Variants in CDK19 observed in about 807,000 individuals in gnomAD.
The protein encoded by CDK19 is cyclin-dependent kinase 19.
In CDK19, 20 loss-of-function variants were observed where a neutral mutation model predicts 68.3. The observed-to-expected ratio is 0.29, with a 90% CI of 0.21 to 0.43. The LOEUF is 0.43. Ranked by LOEUF, CDK19 falls within the 20% of genes least tolerant of loss-of-function variation. The pLI is 1.00. For synonymous variants in CDK19, 221 were observed against 222.8 expected, an observed-to-expected ratio of 0.99 and a Z score of 0.07; for missense variants, 339 against 623.5, an observed-to-expected ratio of 0.54 and a Z score of 4.86.
chr6:110,778,240 A>G (rs1433629285), intron 1 of CDK19, among the ~76,000 whole-genome samples: 1 of 152,230 alleles, frequency 6.6e-6, no homozygotes, highest in Admixed American at 6.5e-5. Flanking sequence ...TCATCTCCCA[A>G]AAAACCACTG....
At chr6:110,743,439 C>T (rs1171595346) in intron 2 of CDK19, among the ~76,000 whole-genome samples, 2 of 151,714 alleles carry the variant, frequency 1.3e-5, no homozygotes, top group African/African-American at 4.8e-5. Context: ...GTCAGGTGTT[C>T]AAGACCAGCC....
chr6:110,665,197 A>G (rs187245303), intron 4 of CDK19, among the ~76,000 whole-genome samples: 211 of 152,352 alleles, frequency 1.4e-3, no homozygotes, highest in Non-Finnish European at 5.3e-4. Context: ...TTGACAACAG[A>G]CAAGTATAGA....
intron 1 of CDK19, among the ~76,000 whole-genome samples, chr6:110,754,759 C>T (rs892033612): frequency 1.3e-5 from 2 of 152,150 alleles, no homozygotes; most frequent in African/African-American, 2.4e-5. Flanking sequence ...GGATTACAGG[C>T]GTCAGCCACC....
intron 1 of CDK19, among the ~76,000 whole-genome samples, chr6:110,814,349 C>T (rs968963691): frequency 9.2e-5 from 14 of 152,226 alleles, no homozygotes; most frequent in Non-Finnish European, 1.9e-4. Flanking sequence ...AGGTCTCCTT[C>T]GAAGGGGGAA....
chr6:110,755,781 A>T (rs1288445093), intron 1 of CDK19, among the ~76,000 whole-genome samples: 1 of 152,190 alleles, frequency 6.6e-6, no homozygotes, highest in Non-Finnish European at 1.5e-5. Context: ...TTTTCCAGCA[A>T]GAGAAACATG....
intron 2 of CDK19, among the ~76,000 whole-genome samples, chr6:110,703,378 AATG>A (rs1774173685): frequency 6.6e-6 from 1 of 151,992 alleles, no homozygotes; most frequent in South Asian, 2.1e-4. Context: ...CAAAACCAAG[AATG>A]ATTTTATGTT....
chr6:110,671,866 C>A (rs1185169983), intron 2 of CDK19, among the ~76,000 whole-genome samples: 1 of 152,174 alleles, frequency 6.6e-6, no homozygotes, highest in Non-Finnish European at 1.5e-5. Context: ...CAACCTCCGC[C>A]TCCAAGGTTC....
intron 4 of CDK19, chr6:110,645,904 G>A: frequency 3.6e-6 from 3 of 843,006 alleles, no homozygotes; most frequent in South Asian, 1.5e-5. Flanking sequence ...TCAGTCCTGC[G>A]AACTGTGCCG....
chr6:110,743,280 A>C (rs897190113), intron 2 of CDK19, among the ~76,000 whole-genome samples: 1 of 152,176 alleles, frequency 6.6e-6, no homozygotes, highest in Non-Finnish European at 1.5e-5. Flanking sequence ...TAGAGTACTG[A>C]TAAAATGCTA....
rs533287559 is a variant in CDK19 at position 110,794,373 on chromosome 6, G to T, written c.128+20636C>A. Among the ~76,000 whole-genome samples, 6 of 147,116 alleles carry T rather than the reference G, an allele frequency of 4.1e-5. No homozygotes were observed. The South Asian group carries it at 1.1e-3, about 27-fold the overall frequency. ...TCTTCCCAGTGTTAAATGACAGCTA[G>T]ATTTGCACTCTCCTCTCTCCAGTAG... is the stretch of plus-strand genomic sequence containing the variant. On this transcript the variant is annotated intron_variant, in intron 1 of 12. Transcript: ENST00000368911.
Position 110,784,768 on chromosome 6 carries a change from G to A in CDK19, c.128+30241C>T, listed in dbSNP as rs567056839. On this transcript the variant is annotated intron_variant, in intron 1 of 12. Transcript: ENST00000368911. ...CAGTTGATGAATGGATAAATACAAC[G>A]TGATATATCCACACAGTCATCTGAA... 6.6e-5 allele frequency among the ~76,000 whole-genome samples: 10 copies of A among 152,192 alleles called. No individual in the cohort carries two copies. In the East Asian group the frequency reaches 1.4e-3, roughly 21 times the overall value.
chr6:110,718,189 G>A (rs974577404), intron 2 of CDK19, among the ~76,000 whole-genome samples: 1 of 152,192 alleles, frequency 6.6e-6, no homozygotes, highest in African/African-American at 2.4e-5. Context: ...AATGGACTAA[G>A]ACACCAGGTA....
At chr6:110,682,394 C>T (rs931800176) in intron 2 of CDK19, among the ~76,000 whole-genome samples, 1 of 152,162 alleles carries the variant, frequency 6.6e-6, no homozygotes, top group Non-Finnish European at 1.5e-5. Context: ...TGCCTAATTC[C>T]AAAATGTTCC....
intron 1 of CDK19, among the ~76,000 whole-genome samples, chr6:110,768,915 G>A (rs112130215): frequency 6.6e-6 from 1 of 152,134 alleles, no homozygotes; most frequent in Non-Finnish European, 1.5e-5. Flanking sequence ...CACTTTGGGG[G>A]TCCAAGGCAG....
At position 110,683,244 on chromosome 6, in the gene CDK19, A is replaced by G. The variant is rs534462915; in HGVS notation, c.205-12703T>C. Among the ~76,000 whole-genome samples, 55 of 152,048 alleles carry G rather than the reference A, an allele frequency of 3.6e-4. 1 individual carries two copies. In the Middle Eastern group the frequency reaches 0.01, roughly 28 times the overall value. On this transcript the variant is annotated intron_variant, in intron 2 of 12. Transcript: ENST00000368911. ...ACGAATTAAGCATTTGACAAATTATAGCTTTTATTATCATTTTTAACCACC... is the reference window on the plus strand; with the variant it reads ...ACGAATTAAGCATTTGACAAATTATGGCTTTTATTATCATTTTTAACCACC...
chr6:110,719,860 A>T (rs1775695542), intron 2 of CDK19, among the ~76,000 whole-genome samples: 1 of 151,892 alleles, frequency 6.6e-6, no homozygotes, highest in South Asian at 2.1e-4. Flanking sequence ...ACTCCTGAGT[A>T]GCTGGGATTA....
chr6:110,758,411 C>T (rs938005001), intron 1 of CDK19, among the ~76,000 whole-genome samples: 1 of 152,160 alleles, frequency 6.6e-6, no homozygotes, highest in Non-Finnish European at 1.5e-5. Context: ...TTGTTCAATA[C>T]TCTCTCAAGG....
chr6:110,721,732 G>A lies in CDK19; in HGVS notation c.204+24394C>T, dbSNP rs1200672934. ...TGTAATCCCAGCACTTTTGGAGGCC[G>A]AGGCAGGCAGATCACAAATCAAGGA... On this transcript the variant is annotated intron_variant, in intron 2 of 12. Transcript: ENST00000368911. Among the ~76,000 whole-genome samples the A allele has an allele frequency of 4.6e-5, 7 of 152,232 alleles. No individual in the cohort carries two copies. The South Asian group carries it at 8.3e-4, about 18-fold the overall frequency.
intron 2 of CDK19, among the ~76,000 whole-genome samples, chr6:110,745,321 C>T (rs1777999926): frequency 6.6e-6 from 1 of 152,040 alleles, no homozygotes; most frequent in Admixed American, 6.6e-5. Flanking sequence ...TGTGAACAAT[C>T]ATTTCTTAAA....
Sources: allele counts gnomAD v4.1 joint callset (sites outside exome capture counted in the v4.1 genomes callset), GRCh38; gene constraint gnomAD v4.1.1; transcripts MANE v1.5; gene names NCBI Gene and HGNC (gene_info 2026-07-23, HGNC 2026-07-21).